The following CACNB2 variants were observed in gnomAD, a reference collection of about 807,000 sequenced individuals.
CACNB2 encodes the protein calcium voltage-gated channel auxiliary subunit beta 2, also known as voltage-dependent L-type calcium channel subunit beta-2.
In CACNB2, 42 loss-of-function variants were observed where a neutral mutation model predicts 73.3. The ratio of observed to expected loss-of-function variants is 0.57; its 90% CI spans 0.45 to 0.74. The LOEUF (loss-of-function observed/expected upper bound fraction) is 0.74, where lower values mean the gene tolerates loss of function less well. Among genes scored for constraint, CACNB2 ranks in the 30% least tolerant of loss-of-function variants. The pLI, the probability that CACNB2 is intolerant of heterozygous loss-of-function variation, is 0.00. For synonymous variants in CACNB2, 348 were observed against 310.3 expected, an observed-to-expected ratio of 1.12 and a Z score of -1.28; for missense variants, 940 against 853.0, an observed-to-expected ratio of 1.10 and a Z score of -1.27.
chr10:18,235,612 G>C (rs774978224), intron 2 of CACNB2, among the ~76,000 whole-genome samples: 1 of 152,216 alleles, frequency 6.6e-6, no homozygotes, highest in Non-Finnish European at 1.5e-5. Context: ...GTGGTTGAGA[G>C]TAGTTGCTGT....
At chr10:18,492,827 T>A (rs1209170677) in intron 3 of CACNB2, among the ~76,000 whole-genome samples, 1 of 152,118 alleles carries the variant, frequency 6.6e-6, no homozygotes, top group Non-Finnish European at 1.5e-5. Flanking sequence ...ACGTTTACAG[T>A]GGAAGACCAC....
intron 2 of CACNB2, among the ~76,000 whole-genome samples, chr10:18,228,348 G>A (rs865926031): frequency 8.4e-5 from 12 of 142,124 alleles, no homozygotes; most frequent in African/African-American, 2.4e-4. Context: ...GAGAACAATC[G>A]CTTGAACTTG....
chr10:18,271,883 G>A (rs1212941269), intron 2 of CACNB2, among the ~76,000 whole-genome samples: 1 of 151,984 alleles, frequency 6.6e-6, no homozygotes, highest in Admixed American at 6.6e-5. Flanking sequence ...TGATGAGCAG[G>A]TCACCATTCT....
intron 2 of CACNB2, among the ~76,000 whole-genome samples, chr10:18,226,107 A>G (rs2035983281): frequency 6.6e-6 from 1 of 150,404 alleles, no homozygotes; most frequent in Non-Finnish European, 1.5e-5. Flanking sequence ...GCTTACTGCA[A>G]CCTCCGCCTC....
intron 2 of CACNB2, among the ~76,000 whole-genome samples, chr10:18,280,202 A>T (rs937159309): frequency 1.4e-5 from 2 of 146,550 alleles, no homozygotes; most frequent in Non-Finnish European, 3.0e-5. Context: ...TAGCTGACAC[A>T]TGGGGATTAT....
chr10:18,235,467 T>C (rs1158240115), intron 2 of CACNB2, among the ~76,000 whole-genome samples: 2 of 152,148 alleles, frequency 1.3e-5, no homozygotes, highest in Non-Finnish European at 2.9e-5. Context: ...CTAAATTTTT[T>C]AAATTAAAAA....
At position 18,498,446 on chromosome 10, in the gene CACNB2, T is replaced by C. The variant is rs2133011346; in HGVS notation, c.425T>C (p.Phe142Ser). ...DVPVPGMAISFEAKDFLHVKE... is the reference protein window; with the variant it reads ...DVPVPGMAISSEAKDFLHVKE... ...CCAGTGCCTGGCATGGCCATCTCATTCGAAGCAAAAGATTTTCTGCATGTT... is the reference window on the plus strand; with the variant it reads ...CCAGTGCCTGGCATGGCCATCTCATCCGAAGCAAAAGATTTTCTGCATGTT... The change falls in exon 4 of 14, where the codon TTC (phenylalanine) becomes TCC (serine). Residue 142 changes from phenylalanine (F) to serine (S), a missense_variant. Physicochemically the swap from Phe to Ser is radical, Grantham distance 155 (BLOSUM62 -2). Coordinates refer to ENST00000324631, the MANE Select transcript of CACNB2 (RefSeq NM_201596.3). 1 of 1,614,142 alleles carries C rather than the reference T, an allele frequency of 6.2e-7. No individual in the cohort carries two copies. The highest frequency in any genetic ancestry group is 8.5e-7 in the Non-Finnish European group (1 of 1,179,962).
intron 2 of CACNB2, among the ~76,000 whole-genome samples, chr10:18,248,038 T>A (rs2036935968): frequency 6.6e-6 from 1 of 152,198 alleles, no homozygotes. Flanking sequence ...CAAAGGCCTC[T>A]CCTAATTCCA....
At chr10:18,461,132 T>C (rs1178595024) in intron 3 of CACNB2, among the ~76,000 whole-genome samples, 1 of 152,110 alleles carries the variant, frequency 6.6e-6, no homozygotes, top group Non-Finnish European at 1.5e-5. Context: ...TTTCTCCATG[T>C]TGATCACCCA....
intron 3 of CACNB2, among the ~76,000 whole-genome samples, chr10:18,484,783 T>A (rs1473188767): frequency 6.6e-6 from 1 of 152,200 alleles, no homozygotes; most frequent in African/African-American, 2.4e-5. Flanking sequence ...TTTACCCCTT[T>A]GCTTAATTCT....
At chr10:18,477,086 C>CCTTTTG (rs1304919853) in intron 3 of CACNB2, among the ~76,000 whole-genome samples, 5 of 151,560 alleles carry the variant, frequency 3.3e-5, no homozygotes. Context: ...TTGCAAAGGG[C>CCTTTTG]GTAGCCTTTG....
intron 2 of CACNB2, among the ~76,000 whole-genome samples, chr10:18,151,766 G>T (rs1169386925): frequency 2.6e-5 from 4 of 152,138 alleles, no homozygotes; most frequent in Non-Finnish European, 4.4e-5. Flanking sequence ...ATGCAGCAGA[G>T]AATCTGTTCT....
chr10:18,396,722 C>T (rs1428223714), intron 2 of CACNB2, among the ~76,000 whole-genome samples: 29 of 152,200 alleles, frequency 1.9e-4, no homozygotes, highest in Admixed American at 1.0e-3. Context: ...CCACCCACCT[C>T]GGCTTCCCAA....
rs774231919 is a variant in CACNB2, at chr10:18,340,939, C to T, written c.214-60985C>T. Reference sequence around the variant, plus strand: ...GAATTGGTCTAGCATGCTTGACAGACGCCTTATAGCTCCTCAAACTAAATA... The same window carrying T: ...GAATTGGTCTAGCATGCTTGACAGATGCCTTATAGCTCCTCAAACTAAATA... On this transcript the variant is annotated intron_variant, in intron 2 of 13. Coordinates refer to ENST00000324631, the MANE Select transcript of CACNB2 (RefSeq NM_201596.3). 24 of 1,613,970 alleles carry T rather than the reference C, an allele frequency of 1.5e-5. No individual in the cohort carries two copies. Among genetic ancestry groups the T allele is most frequent in the African/African-American group, 4.0e-5 (3 of 74,898 alleles).
At chr10:18,350,529 G>A (rs779873679) in intron 2 of CACNB2, among the ~76,000 whole-genome samples, 21 of 152,172 alleles carry the variant, frequency 1.4e-4, no homozygotes, top group Non-Finnish European at 2.8e-4. Context: ...AGCTGCTAGA[G>A]CAGCCGACGT....
At chr10:18,401,441 AGGC>A (rs2043991039) in intron 2 of CACNB2, among the ~76,000 whole-genome samples, 3 of 151,440 alleles carry the variant, frequency 2.0e-5, no homozygotes, top group Admixed American at 1.3e-4. Context: ...AAGGTAAACA[AGGC>A]TTTTTCAGAT....
chr10:18,179,739 C>A lies in CACNB2; in HGVS notation c.213+28764C>A, dbSNP rs1179908130. ...CCTTTTGCTTGTGAGTAAACACGTG[C>A]ATGCCAATATTTAAAATCTGCTTTA... On this transcript the variant is annotated intron_variant, in intron 2 of 13. Coordinates refer to ENST00000324631, the MANE Select transcript of CACNB2 (RefSeq NM_201596.3). Among the ~76,000 whole-genome samples, 6 of 152,136 alleles carry A rather than the reference C, an allele frequency of 3.9e-5. No individual in the cohort carries two copies. In the East Asian group the frequency reaches 5.8e-4, roughly 15 times the overall value.
At position 18,150,935 on chromosome 10, in the gene CACNB2, G is replaced by C. The variant is rs1263785584; in HGVS notation, c.173G>C (p.Ser58Thr). 1.9e-6 allele frequency: 3 copies of C among 1,546,850 alleles called. No individual in the cohort carries two copies. The Admixed American group carries it at 5.4e-5, about 28-fold the overall frequency. The change falls in exon 2 of 14, where the codon AGC (serine) becomes ACC (threonine). Residue 58 changes from serine (S) to threonine (T), a missense_variant. By Grantham distance (58) the Ser-to-Thr change is moderately conservative. Coordinates refer to ENST00000324631, the MANE Select transcript of CACNB2 (RefSeq NM_201596.3). The part of the protein sequence containing the change: ...RKNRFKGSDG[S>T]TSSDTTSNSF... ...AACAGATTTAAAGGATCTGATGGAA[G>C]CACGTCATCTGATACTACCTCAAAT...
intron 3 of CACNB2, among the ~76,000 whole-genome samples, chr10:18,497,911 G>T (rs576099827): frequency 6.6e-6 from 1 of 152,282 alleles, no homozygotes; most frequent in South Asian, 2.1e-4. Flanking sequence ...CTCATTCAAT[G>T]ATTGTACCTT....
Sources: allele counts gnomAD v4.1 joint callset (sites outside exome capture counted in the v4.1 genomes callset), GRCh38; gene constraint gnomAD v4.1.1; transcripts MANE v1.5; gene names NCBI Gene and HGNC (gene_info 2026-07-23, HGNC 2026-07-21).